The following HHAT variants were observed in gnomAD, a reference collection of about 807,000 sequenced individuals.
HHAT encodes protein-cysteine N-palmitoyltransferase HHAT.
A neutral mutation model predicts 70.8 loss-of-function variants in HHAT; 47 were observed. The ratio of observed to expected loss-of-function variants is 0.66; its 90% CI spans 0.53 to 0.85. The LOEUF (loss-of-function observed/expected upper bound fraction) is 0.85, where lower values mean the gene tolerates loss of function less well. Among genes scored for constraint, HHAT ranks in the 40% least tolerant of loss-of-function variants. HHAT has a pLI of 0.00. For synonymous variants in HHAT, 228 were observed against 247.6 expected (o/e 0.92, Z 0.74); for missense variants, 609 against 604.8 (o/e 1.01, Z -0.07).
intron 10 of HHAT, among the ~76,000 whole-genome samples, chr1:210,611,216 G>A (rs113982793): frequency 0.062 from 9,408 of 152,038 alleles, 995 homozygotes; most frequent in African/African-American, 0.21. Context: ...CCTTGAAGAG[G>A]TCCTTCACTT....
Position 210,340,467 on chromosome 1 carries a change from G to A in HHAT, c.-43-8466G>A, listed in dbSNP as rs549677957. Among the ~76,000 whole-genome samples the A allele has an allele frequency of 1.4e-3, 214 of 152,164 alleles. 1 individual carries two copies. The highest frequency in any genetic ancestry group is 6.8e-3 in the Middle Eastern group (2 of 294). ...CTACTATTTCATTTTCTTTAAAGCC[G>A]TTGTCATTTCAGTGGGCATGTGCTT... On this transcript the variant is annotated intron_variant, in intron 1 of 11. Transcript: ENST00000261458.
chr1:210,618,467 A>G (rs1260989538), intron 10 of HHAT, among the ~76,000 whole-genome samples: 1 of 152,182 alleles, frequency 6.6e-6, no homozygotes, highest in African/African-American at 2.4e-5. Context: ...CCAGCTGCTC[A>G]AACCCACCCA....
intron 9 of HHAT, among the ~76,000 whole-genome samples, chr1:210,531,922 C>T (rs185010552): frequency 2.2e-4 from 34 of 152,294 alleles, no homozygotes; most frequent in African/African-American, 8.2e-4. Flanking sequence ...ATTTTCTACA[C>T]CAACAGGTGA....
At position 210,674,700 on chromosome 1, in the gene HHAT, C is replaced by T; in HGVS notation, c.*321C>T. The T allele has an allele frequency of 4.0e-6, 1 of 247,708 alleles. No individual in the cohort carries two copies. Among genetic ancestry groups the T allele is most frequent in the East Asian group, 8.1e-5 (1 of 12,330 alleles). The allele number at this position is 247,708 out of a possible 1,614,324, so 15.3% of individuals were successfully genotyped here. A position where few individuals can be genotyped will look rare whatever the true frequency, so the allele number is the denominator to read the frequency against. On this transcript the variant is annotated 3_prime_UTR_variant, in exon 12 of 12. Coordinates refer to ENST00000261458, the MANE Select transcript of HHAT (RefSeq NM_018194.6). The stretch of plus-strand genomic sequence containing the variant: ...GTCTCATGAGCCCTTTGCATTCTTT[C>T]CCCTTAAGCAAGAATAGAATGTAGT...
chr1:210,382,118 C>G (rs1310782259), intron 3 of HHAT, among the ~76,000 whole-genome samples: 1 of 152,148 alleles, frequency 6.6e-6, no homozygotes. Context: ...GATGAGAATT[C>G]AAGGCTAGAA....
At position 210,364,423 on chromosome 1, in the gene HHAT, AT is replaced by A. The variant is rs3835415; in HGVS notation, c.159+1513del. ...ATGTCTTACAGCAGAAAAAAAGATG[AT>A]TTTTTTTTCCTTTTAGAGTTAAAAT... On this transcript the variant is annotated intron_variant, in intron 3 of 11. Transcript: ENST00000261458. 5.4e-3 allele frequency among the ~76,000 whole-genome samples: 820 copies of A among 151,718 alleles called. 15 individuals are homozygous for A. In the East Asian group the frequency reaches 0.076, roughly 14 times the overall value.
chr1:210,406,913 C>G (rs1450908270), intron 6 of HHAT, among the ~76,000 whole-genome samples: 4 of 152,190 alleles, frequency 2.6e-5, no homozygotes, highest in Non-Finnish European at 5.9e-5. Flanking sequence ...CCCTCTCTCT[C>G]TCTTCTTTTT....
chr1:210,474,196 G>A (rs2094260014), intron 8 of HHAT, among the ~76,000 whole-genome samples: 2 of 152,174 alleles, frequency 1.3e-5, no homozygotes, highest in Non-Finnish European at 2.9e-5. Context: ...TAGCATGGGG[G>A]CTGGCACATA....
intron 1 of HHAT, among the ~76,000 whole-genome samples, chr1:210,341,376 T>A (rs78705652): frequency 0.029 from 4,437 of 152,350 alleles, 187 homozygotes; most frequent in African/African-American, 0.099. Flanking sequence ...ATTTTTGAAA[T>A]GATATTGGAA....
At chr1:210,357,453 A>G (rs934965677) in intron 2 of HHAT, among the ~76,000 whole-genome samples, 1 of 152,198 alleles carries the variant, frequency 6.6e-6, no homozygotes, top group African/African-American at 2.4e-5. Flanking sequence ...TCAGTTTATT[A>G]CCATTAGAAC....
intron 10 of HHAT, among the ~76,000 whole-genome samples, chr1:210,603,091 C>G (rs896624161): frequency 1.1e-4 from 17 of 152,186 alleles, no homozygotes; most frequent in African/African-American, 3.6e-4. Flanking sequence ...CCAGGACTGG[C>G]CAGTGCTTGG....
intron 8 of HHAT, among the ~76,000 whole-genome samples, chr1:210,504,175 A>G (rs973749568): frequency 6.6e-6 from 1 of 152,226 alleles, no homozygotes; most frequent in African/African-American, 2.4e-5. Flanking sequence ...TTTCTTGTTC[A>G]TTGCTGTATC....
At chr1:210,542,387 C>T (rs1242440960) in intron 9 of HHAT, among the ~76,000 whole-genome samples, 1 of 152,124 alleles carries the variant, frequency 6.6e-6, no homozygotes, top group Non-Finnish European at 1.5e-5. Flanking sequence ...CTTTACAATT[C>T]AGCAAATGCC....
chr1:210,446,921 A>G (rs1438105042), intron 7 of HHAT, among the ~76,000 whole-genome samples: 1 of 152,192 alleles, frequency 6.6e-6, no homozygotes, highest in African/African-American at 2.4e-5. Flanking sequence ...TTCCATGGAC[A>G]TAGGAACCTT....
intron 11 of HHAT, among the ~76,000 whole-genome samples, chr1:210,642,100 A>G (rs1673085882): frequency 6.6e-6 from 1 of 152,160 alleles, no homozygotes; most frequent in Admixed American, 6.5e-5. Flanking sequence ...TTTTAGTTGC[A>G]TGCGTTTGCA....
chr1:210,582,473 G>A (rs753148608), intron 9 of HHAT, among the ~76,000 whole-genome samples: 1 of 152,140 alleles, frequency 6.6e-6, no homozygotes, highest in East Asian at 1.9e-4. Context: ...GGATTAGTCT[G>A]TCATAGAGTT....
At chr1:210,536,428 T>A (rs2095372470) in intron 9 of HHAT, among the ~76,000 whole-genome samples, 1 of 152,260 alleles carries the variant, frequency 6.6e-6, no homozygotes, top group South Asian at 2.1e-4. Context: ...CCCAGCTGTC[T>A]GCTGTTTTCA....
chr1:210,669,684 C>T (rs1471840969), intron 11 of HHAT, among the ~76,000 whole-genome samples: 2 of 152,174 alleles, frequency 1.3e-5, no homozygotes, highest in African/African-American at 4.8e-5. Context: ...TTGTTAGATC[C>T]AGATATCAAA....
At position 210,418,288 on chromosome 1, in the gene HHAT, C is replaced by T; in HGVS notation, c.819C>T (p.Ser273=). ...TGTACATGCATGCCATCTACAGCAG[C>T]ATCCCCCTCCTGGAGACTGTCTCTT... ...HLMYMHAIYS[S]IPLLETVSCW... is the part of the protein sequence containing the mutation. The change falls in exon 7 of 12, where the codon AGC becomes AGT. Residue 273 remains serine, a synonymous_variant. Coordinates refer to ENST00000261458, the MANE Select transcript of HHAT (RefSeq NM_018194.6). The T allele has an allele frequency of 1.9e-6, 3 of 1,609,426 alleles. No homozygotes were observed. Among genetic ancestry groups the T allele is most frequent in the Non-Finnish European group, 2.5e-6 (3 of 1,177,538 alleles).
Sources: allele counts gnomAD v4.1 joint callset (sites outside exome capture counted in the v4.1 genomes callset), GRCh38; gene constraint gnomAD v4.1.1; transcripts MANE v1.5; gene names NCBI Gene and HGNC (gene_info 2026-07-23, HGNC 2026-07-21).